Variants in RETSAT observed in about 807,000 individuals in gnomAD.
RETSAT encodes the protein retinol saturase, also known as all-trans-retinol 13,14-reductase.
Under a neutral mutation model 61.6 loss-of-function variants are expected in RETSAT, and 35 were observed. The ratio of observed to expected loss-of-function variants is 0.57; its 90% CI spans 0.43 to 0.75. The LOEUF is 0.75. RETSAT is among the 30% of genes least tolerant of loss of function. The pLI, the probability that RETSAT is intolerant of heterozygous loss-of-function variation, is 0.00. For missense variants in RETSAT, 670 were observed against 759.5 expected (o/e 0.88, Z 1.38); for synonymous variants, 277 against 310.4 (o/e 0.89, Z 1.13).
rs1055083222 is a variant in RETSAT, at chr2:85,342,488, G to C, written c.*754C>G. 3.9e-5 allele frequency: 6 copies of C among 152,880 alleles called. No individual in the cohort carries two copies. Among genetic ancestry groups the C allele is most frequent in the African/African-American group, 1.4e-4 (6 of 41,472 alleles). 9.5% of individuals were successfully genotyped at this position (152,880 alleles called of 1,614,324 possible). ...CCTGTGTATTTGGTGGATAAGGCTTGATTGAGGCTCAGGTACTGAGTCCCT... is the reference window on the plus strand; with the variant it reads ...CCTGTGTATTTGGTGGATAAGGCTTCATTGAGGCTCAGGTACTGAGTCCCT... On this transcript the variant is annotated 3_prime_UTR_variant, in exon 11 of 11. Transcript: ENST00000295802.
At chr2:85,350,314 G>A (rs1683277309) in intron 3 of RETSAT, 73 bp from the exon 4 acceptor site, 4 of 1,142,780 alleles carry the variant, frequency 3.5e-6, no homozygotes, top group South Asian at 1.3e-5. Flanking sequence ...CCCATAGCCT[G>A]GACCAGCCCA....
In RETSAT at chr2:85,351,760, C is replaced by T. The variant is rs746484133; in HGVS notation, c.275G>A (p.Arg92Gln). The T allele has an allele frequency of 5.6e-6, 9 of 1,614,182 alleles. No homozygotes were observed. In the East Asian group the frequency reaches 1.1e-4, roughly 20 times the overall value. The change falls in exon 2 of 11, where the codon CGA becomes CAA. Residue 92 changes from arginine to glutamine, a missense_variant. By Grantham distance (43) the Arg-to-Gln change is conservative. Transcript: ENST00000295802. ...GGTATGTTGTTCCAGCACCAGGACT[C>T]GCTTGCCAGCTTTAGCTAGAATTGC... ...AAAILAKAGK[R>Q]VLVLEQHTKA... is the part of the protein sequence containing the mutation.
At position 85,351,380 on chromosome 2, in the gene RETSAT, A is replaced by G. The variant is rs546581387; in HGVS notation, c.355+300T>C. The G allele has an allele frequency of 4.9e-4, 209 of 422,268 alleles. 1 individual carries two copies. Among genetic ancestry groups the G allele is most frequent in the African/African-American group, 4.0e-3 (203 of 50,176 alleles). 26.2% of individuals were successfully genotyped at this position (422,268 alleles called of 1,614,324 possible). ...ATCTCTACTAAAATACAAAAAAATT[A>G]GCGGGGTGTGGTGGCCCACTTGGTG... On this transcript the variant is annotated intron_variant, in intron 2 of 10. Coordinates refer to ENST00000295802, the MANE Select transcript of RETSAT (RefSeq NM_017750.4).
chr2:85,354,278 C>A, intron 1 of RETSAT, 58 bp downstream of exon 1: 3 of 1,600,176 alleles, frequency 1.9e-6, no homozygotes, highest in Admixed American at 3.4e-5. Context: ...AAAATGAGAA[C>A]CCAAATCTGT....
chr2:85,351,762 C>A lies in RETSAT; in HGVS notation c.273G>T (p.Lys91Asn). The change falls in exon 2 of 11, where the codon AAG (lysine) becomes AAT (asparagine). Residue 91 changes from lysine to asparagine, a missense_variant. Lys to Asn is a moderately conservative substitution (Grantham distance 94). Coordinates refer to ENST00000295802, the MANE Select transcript of RETSAT (RefSeq NM_017750.4). ...TATGTTGTTCCAGCACCAGGACTCG[C>A]TTGCCAGCTTTAGCTAGAATTGCAG... ...AAAAILAKAG[K>N]RVLVLEQHTK... 6.2e-7 allele frequency: 1 copy of A among 1,614,200 alleles called. No individual in the cohort carries two copies. The highest frequency in any genetic ancestry group is 1.3e-5 in the African/African-American group (1 of 75,046).
rs145717857 is a variant in RETSAT at position 85,349,280 on chromosome 2, A to C, written c.997+104T>G. On this transcript the variant is annotated intron_variant, in intron 5 of 10. Coordinates refer to ENST00000295802, the MANE Select transcript of RETSAT (RefSeq NM_017750.4). ...GGGCAGATTCTCACCTTTAGCCTCC[A>C]TGAGGAGGTCAGTTCTCCTACTCCT... The C allele has an allele frequency of 9.0e-4, 953 of 1,064,592 alleles. 10 individuals carry two copies. In the African/African-American group the frequency reaches 0.013, roughly 15 times the overall value. 65.9% of individuals were successfully genotyped at this position (1,064,592 alleles called of 1,614,324 possible). A position where few individuals can be genotyped will look rare whatever the true frequency, so the allele number is the denominator to read the frequency against.
At position 85,351,692 on chromosome 2, in the gene RETSAT, C is replaced by T; in HGVS notation, c.343G>A (p.Glu115Lys). 1.9e-6 allele frequency: 3 copies of T among 1,613,914 alleles called. No individual in the cohort carries two copies. The highest frequency in any genetic ancestry group is 2.5e-6 in the Non-Finnish European group (3 of 1,179,842). ...ACACAAGCCTTACCTGTGTCAAATT[C>T]AAGGCCATTCTTTCCAAAGGTATGA... ...CCHTFGKNGL[E>K]FDTGIHYIGR... The change falls in exon 2 of 11, where the codon GAA becomes AAA. Residue 115 changes from glutamate (E) to lysine (K), a missense_variant. Physicochemically the swap from Glu to Lys is moderately conservative, Grantham distance 56 (BLOSUM62 1). Transcript: ENST00000295802.
Position 85,343,253 on chromosome 2 carries a change from T to G in RETSAT, c.1822A>C (p.Lys608Gln). 6.2e-7 allele frequency: 1 copy of G among 1,614,082 alleles called. No individual in the cohort carries two copies. The highest frequency in any genetic ancestry group is 8.5e-7 in the Non-Finnish European group (1 of 1,179,910). The change falls in exon 11 of 11, where the codon AAA becomes CAA. Residue 608 changes from lysine to glutamine, a missense_variant. Physicochemically the swap from Lys to Gln is moderately conservative, Grantham distance 53 (BLOSUM62 1). Coordinates refer to ENST00000295802, the MANE Select transcript of RETSAT (RefSeq NM_017750.4). ...CCTCCCTGATGGAACTAATTCTTTT[T>G]CTTCTGTGCCCGGATCCTAGAATCA... ...NLDSRIRAQKKKN is the reference protein window; with the variant it reads ...NLDSRIRAQKQKN
intron 5 of RETSAT, among the ~76,000 whole-genome samples, chr2:85,348,413 A>G (rs751657315): frequency 2.2e-4 from 33 of 152,058 alleles, no homozygotes; most frequent in Admixed American, 1.2e-3. Context: ...GGCGGATCAC[A>G]AGATCAGGAG....
Position 85,349,387 on chromosome 2 carries a change from A to G in RETSAT, c.994T>C (p.Cys332Arg), listed in dbSNP as rs1683260348. The change falls in exon 5 of 11, where the codon TGT becomes CGT. Residue 332 changes from cysteine to arginine, a missense_variant. Cys to Arg is a radical substitution (Grantham distance 180). Transcript: ENST00000295802. ...CAGGGCGGGGCAGGGCTCTCACCACAGGCTTTCCCAGCTGAGTCCAGCAAC... is the reference window on the plus strand; with the variant it reads ...CAGGGCGGGGCAGGGCTCTCACCACGGGCTTTCCCAGCTGAGTCCAGCAAC... ...SVLLDSAGKA[C>R]GVSVKKGHEL... is the part of the protein sequence containing the mutation. 2.5e-6 allele frequency: 4 copies of G among 1,613,830 alleles called. No homozygotes were observed. In the Admixed American group the frequency reaches 6.7e-5, roughly 27 times the overall value.
At position 85,354,431 on chromosome 2, in the gene RETSAT, G is replaced by A; in HGVS notation, c.77C>T (p.Ser26Phe). 6.2e-7 allele frequency: 1 copy of A among 1,614,246 alleles called. No homozygotes were observed. Among genetic ancestry groups the A allele is most frequent in the South Asian group, 1.1e-5 (1 of 91,086 alleles). The change falls in exon 1 of 11, where the codon TCT (serine) becomes TTT (phenylalanine). Residue 26 changes from serine (S) to phenylalanine (F), a missense_variant. Coordinates refer to ENST00000295802, the MANE Select transcript of RETSAT (RefSeq NM_017750.4). ...GGAGAAAGGATTCGGGGAGCTGCCA[G>A]AGAATAGTCCCAAGTAAACTTTGCA... ...VLCKVYLGLF[S>F]GSSPNPFSED...
At chr2:85,344,388 G>C in intron 7 of RETSAT, 40 bp from the exon 8 acceptor site, 1 of 1,600,654 alleles carries the variant, frequency 6.2e-7, no homozygotes, top group Non-Finnish European at 8.6e-7. Context: ...CCAGGTTTTT[G>C]TCCTCAAAAC....
chr2:85,353,491 A>G (rs1383144884), intron 1 of RETSAT, among the ~76,000 whole-genome samples: 1 of 152,246 alleles, frequency 6.6e-6, no homozygotes, highest in Non-Finnish European at 1.5e-5. Flanking sequence ...TAGCCCACTA[A>G]TAGATCACAA....
At chr2:85,348,963 C>T (rs902231543) in intron 5 of RETSAT, among the ~76,000 whole-genome samples, 5 of 151,760 alleles carry the variant, frequency 3.3e-5, no homozygotes, top group African/African-American at 1.2e-4. Flanking sequence ...ATTGGCCAGG[C>T]TGGTCTCGAA....
Position 85,343,391 on chromosome 2 carries a change from A to T in RETSAT, c.1694-10T>A. 6.2e-7 allele frequency: 1 copy of T among 1,610,174 alleles called. No homozygotes were observed. ...GTGAAGATATCCTGGCCTAGGAGGC[A>T]AGAGCAGAGGCCCCTGAGCGTGCAC... On this transcript the variant is annotated splice_polypyrimidine_tract_variant and intron_variant, in intron 10 of 10. Coordinates refer to ENST00000295802, the MANE Select transcript of RETSAT (RefSeq NM_017750.4).
chr2:85,349,147 C>T lies in RETSAT; in HGVS notation c.997+237G>A, dbSNP rs188822611. The stretch of plus-strand genomic sequence containing the variant: ...TCAAGTGATCCTCCCATCTCAGCCT[C>T]CCAAAGTGCTGGGGTTACAGGCTTG... On this transcript the variant is annotated intron_variant, in intron 5 of 10. Coordinates refer to ENST00000295802, the MANE Select transcript of RETSAT (RefSeq NM_017750.4). Among the ~76,000 whole-genome samples, 4 of 152,194 alleles carry T rather than the reference C, an allele frequency of 2.6e-5. No individual in the cohort carries two copies. In the East Asian group the frequency reaches 7.7e-4, roughly 29 times the overall value.
rs2104446328 is a variant in RETSAT, at chr2:85,354,486, G to A, written c.22C>T (p.Leu8Phe). The A allele has an allele frequency of 1.2e-6, 2 of 1,612,278 alleles. No individual in the cohort carries two copies. Among genetic ancestry groups the A allele is most frequent in the East Asian group, 4.5e-5 (2 of 44,874 alleles). ...ACGGCCAGCAGCAGCACAGCCAGGA[G>A]CAGCACCAGCGGAAGCCACATCACG... MWLPLVL[L>F]LAVLLLAVLC... is the part of the protein sequence containing the mutation. The change falls in exon 1 of 11, where the codon CTC (leucine) becomes TTC (phenylalanine). Residue 8 changes from leucine to phenylalanine, a missense_variant. Transcript: ENST00000295802.
chr2:85,350,756 G>A lies in RETSAT; in HGVS notation c.597+24C>T, dbSNP rs200589990. The A allele has an allele frequency of 6.8e-6, 11 of 1,613,702 alleles. No homozygotes were observed. In the Admixed American group the frequency reaches 1.8e-4, roughly 27 times the overall value. On this transcript the variant is annotated intron_variant, in intron 3 of 10. Coordinates refer to ENST00000295802, the MANE Select transcript of RETSAT (RefSeq NM_017750.4). ...CCCAGCCTTATCGAGAACAAACTCTGGGTCCTCAGCATGTCCATGTTACCT... is the reference window on the plus strand; with the variant it reads ...CCCAGCCTTATCGAGAACAAACTCTAGGTCCTCAGCATGTCCATGTTACCT...
At chr2:85,345,776 T>A (rs1184243730) in intron 6 of RETSAT, 199 bp downstream of exon 6, 1 of 730,582 alleles carries the variant, frequency 1.4e-6, no homozygotes, top group Non-Finnish European at 2.4e-6. Context: ...CTGTAATTAA[T>A]CTGTATGGGC....
Sources: allele counts gnomAD v4.1 joint callset (sites outside exome capture counted in the v4.1 genomes callset), GRCh38; gene constraint gnomAD v4.1.1; transcripts MANE v1.5; gene names NCBI Gene and HGNC (gene_info 2026-07-23, HGNC 2026-07-21).